Variants in DGCR8 observed in about 807,000 individuals in gnomAD.
The protein encoded by DGCR8 is DGCR8 microprocessor complex subunit.
DGCR8 carries 14 observed loss-of-function variants against 78.5 expected under a neutral mutation model. The ratio of observed to expected loss-of-function variants is 0.18; its 90% CI spans 0.12 to 0.28. The LOEUF is 0.28. DGCR8 is among the 10% of genes least tolerant of loss of function. The probability of loss-of-function intolerance (pLI) is 1.00; values close to 1 mark genes in which losing one functional copy is unlikely to be tolerated. For synonymous variants in DGCR8, 399 were observed against 402.4 expected (o/e 0.99, Z 0.10); for missense variants, 702 against 1,022.5 (o/e 0.69, Z 4.28).
intron 12 of DGCR8, chr22:20,107,670 T>G (rs1205548799): frequency 6.4e-6 from 3 of 467,334 alleles, no homozygotes. Context: ...ATGGCCAAAG[T>G]GCAAGGCAGG....
chr22:20,104,266 G>A (rs575232801), intron 9 of DGCR8, among the ~76,000 whole-genome samples: 3 of 151,512 alleles, frequency 2.0e-5, no homozygotes, highest in South Asian at 4.2e-4. Flanking sequence ...CCGGGTTCAC[G>A]CCATTCTCCT....
At position 20,087,021 on chromosome 22, in the gene DGCR8, A is replaced by G; in HGVS notation, c.721-141A>G. ...TAGCTTCATCCTGTTTGTTTTTCAG[A>G]TGATCATGCACCCTAAGGGCACATC... On this transcript the variant is annotated intron_variant, in intron 2 of 13. Coordinates refer to ENST00000351989, the MANE Select transcript of DGCR8 (RefSeq NM_022720.7). The surrounding 1 kb of genome is among the most constrained non-coding windows in gnomAD (Gnocchi z 4.1). 3 of 1,120,934 alleles carry G rather than the reference A, an allele frequency of 2.7e-6. No individual in the cohort carries two copies. Among genetic ancestry groups the G allele is most frequent in the Non-Finnish European group, 3.8e-6 (3 of 790,592 alleles). 69.4% of individuals were successfully genotyped at this position (1,120,934 alleles called of 1,614,324 possible).
In DGCR8 at chr22:20,080,550, G is replaced by A. The variant is rs1273591149; in HGVS notation, c.-278+167G>A. The A allele has an allele frequency of 9.6e-6, 9 of 934,286 alleles. No homozygotes were observed. In the East Asian group the frequency reaches 1.1e-3, roughly 110 times the overall value. 57.9% of individuals were successfully genotyped at this position (934,286 alleles called of 1,614,324 possible). On this transcript the variant is annotated intron_variant, in intron 1 of 13. Coordinates refer to ENST00000351989, the MANE Select transcript of DGCR8 (RefSeq NM_022720.7). ...AACATGGCCGCGGGCGGTGGAGAGC[G>A]CGGGGTGGGGACGCCTCCGGGGCTG...
chr22:20,086,638 T>A lies in DGCR8; in HGVS notation c.675T>A (p.Val225=). Residue 225 remains valine, a synonymous_variant, in exon 2 of 14, where the codon GTT becomes GTA. Coordinates refer to ENST00000351989, the MANE Select transcript of DGCR8 (RefSeq NM_022720.7). The surrounding 1 kb of genome is among the most constrained non-coding windows in gnomAD (Gnocchi z 6.4). ...GCGGGTTCACGGCTAAAGCAATCGTTCAGAGAGACAGAGTGGATGAAGAGG... is the reference window on the plus strand; with the variant it reads ...GCGGGTTCACGGCTAAAGCAATCGTACAGAGAGACAGAGTGGATGAAGAGG... The part of the protein sequence containing the change: ...GAGGFTAKAI[V]QRDRVDEEAL... The A allele has an allele frequency of 6.2e-7, 1 of 1,611,532 alleles. No individual in the cohort carries two copies. The highest frequency in any genetic ancestry group is 8.5e-7 in the Non-Finnish European group (1 of 1,179,858).
chr22:20,103,670 T>C (rs75728310), intron 9 of DGCR8, among the ~76,000 whole-genome samples: 6,312 of 152,266 alleles, frequency 0.041, 178 homozygotes, highest in South Asian at 0.095. Context: ...TCAAGCGAAG[T>C]GGGAAGTAGC....
intron 9 of DGCR8, among the ~76,000 whole-genome samples, 178 bp from the exon 10 acceptor site, chr22:20,105,999 C>T (rs8139374): frequency 0.13 from 19,986 of 152,044 alleles, 1,706 homozygotes; most frequent in Non-Finnish European, 0.19. Flanking sequence ...GGCAACTGGA[C>T]GGTGAGGTAC....
rs778016277 is a variant in DGCR8 at position 20,107,446 on chromosome 22, G to C, written c.2124+48G>C. The C allele has an allele frequency of 3.6e-5, 58 of 1,610,964 alleles. 2 individuals carry two copies. The South Asian group carries it at 6.3e-4, about 17-fold the overall frequency. ...CAGGGCAGCCTGTGCTGCCACCCTGGAGCGTATTCCTGAGGCTCTGTGCTC... is the reference window on the plus strand; with the variant it reads ...CAGGGCAGCCTGTGCTGCCACCCTGCAGCGTATTCCTGAGGCTCTGTGCTC... On this transcript the variant is annotated intron_variant, in intron 12 of 13. Coordinates refer to ENST00000351989, the MANE Select transcript of DGCR8 (RefSeq NM_022720.7).
intron 1 of DGCR8, among the ~76,000 whole-genome samples, chr22:20,081,091 C>T (rs182393340): frequency 3.3e-5 from 5 of 152,364 alleles, no homozygotes; most frequent in Admixed American, 3.3e-4. Context: ...CAGGCCTTCA[C>T]TCACAAAAGG....
intron 5 of DGCR8, 119 bp downstream of exon 5, chr22:20,090,377 C>T (rs2049541139): frequency 4.2e-6 from 5 of 1,204,450 alleles, no homozygotes; most frequent in Non-Finnish European, 4.6e-6. Context: ...GGGCTGTGCA[C>T]CTCCACTGTT....
intron 9 of DGCR8, among the ~76,000 whole-genome samples, chr22:20,105,911 G>T (rs1046161484): frequency 2.0e-5 from 3 of 151,926 alleles, no homozygotes; most frequent in Non-Finnish European, 2.9e-5. Context: ...AGCCAGCCAT[G>T]TACCTGGGGC....
At chr22:20,104,906 T>C (rs1490143789) in intron 9 of DGCR8, among the ~76,000 whole-genome samples, 1 of 152,208 alleles carries the variant, frequency 6.6e-6, no homozygotes. Context: ...TGGAGCGGGC[T>C]TGGCACACTG....
At chr22:20,109,085 C>A in intron 13 of DGCR8, 82 bp downstream of exon 13, 1 of 744,910 alleles carries the variant, frequency 1.3e-6, no homozygotes, top group East Asian at 2.6e-5. Flanking sequence ...CCCCAGGACC[C>A]GTGCCTGAGC....
intron 9 of DGCR8, among the ~76,000 whole-genome samples, chr22:20,103,661 C>T (rs957190603): frequency 6.6e-6 from 1 of 152,186 alleles, no homozygotes; most frequent in African/African-American, 2.4e-5. Flanking sequence ...GTAGTGTCAT[C>T]AAGCGAAGTG....
chr22:20,083,616 C>T (rs895845754), intron 1 of DGCR8, among the ~76,000 whole-genome samples: 10 of 152,098 alleles, frequency 6.6e-5, no homozygotes, highest in African/African-American at 2.4e-4. Context: ...TTCCCCATTC[C>T]GTCCCACTGT....
In DGCR8 at chr22:20,086,057, C is replaced by T. The variant is rs762505368; in HGVS notation, c.94C>T (p.Arg32Cys). 1.7e-5 allele frequency: 28 copies of T among 1,613,944 alleles called. No individual in the cohort carries two copies. The highest frequency in any genetic ancestry group is 1.3e-4 in the Admixed American group (8 of 60,016). The change falls in exon 2 of 14, where the codon CGT (arginine) becomes TGT (cysteine). Residue 32 changes from arginine to cysteine, a missense_variant. Physicochemically the swap from Arg to Cys is radical, Grantham distance 180 (BLOSUM62 -3). Transcript: ENST00000351989. This position sits in a 1 kb window ranked among gnomAD's most constrained non-coding sequence, Gnocchi z 6.4. ...SRARPFQALP[R>C]EQSPPPPLQT... is the part of the protein sequence containing the mutation. ...AGCTCGCCCCTTCCAAGCGCTGCCC[C>T]GTGAGCAGTCTCCACCACCTCCCCT...
intron 5 of DGCR8, 66 bp from the exon 6 acceptor site, chr22:20,091,369 G>A (rs1463812103): frequency 2.0e-6 from 3 of 1,536,448 alleles, no homozygotes; most frequent in Non-Finnish European, 2.7e-6. Flanking sequence ...CCATGCACTG[G>A]GCTGTGAGAA....
rs776972856 is a variant in DGCR8 at position 20,085,865 on chromosome 22, G to A, written c.-99G>A. 14 of 1,498,756 alleles carry A rather than the reference G, an allele frequency of 9.3e-6. No homozygotes were observed. Among genetic ancestry groups the A allele is most frequent in the African/African-American group, 1.4e-5 (1 of 71,594 alleles). 92.8% of individuals were successfully genotyped at this position (1,498,756 alleles called of 1,614,324 possible). On this transcript the variant is annotated 5_prime_UTR_variant, in exon 2 of 14. Transcript: ENST00000351989. The surrounding 1 kb of genome is among the most constrained non-coding windows in gnomAD (Gnocchi z 6.2). ...CCGCCAGCGCACAGCGCGGCAGGAC[G>A]CGCCCGGGTCTCAGCGGACTTGTGC...
chr22:20,084,830 TC>T (rs2049460231), intron 1 of DGCR8: 1 of 225,396 alleles, frequency 4.4e-6, no homozygotes, highest in South Asian at 1.6e-4. Flanking sequence ...TGGAGGACTG[TC>T]CCCGTGCCTT....
chr22:20,082,087 C>T (rs528810527), intron 1 of DGCR8, among the ~76,000 whole-genome samples: 4 of 148,322 alleles, frequency 2.7e-5, no homozygotes, highest in Non-Finnish European at 5.9e-5. Context: ...GACAGAATCT[C>T]GCTCTGTCGC....
Sources: allele counts gnomAD v4.1 joint callset (sites outside exome capture counted in the v4.1 genomes callset), GRCh38; gene constraint gnomAD v4.1.1; non-coding constraint Gnocchi (gnomAD v3.1); transcripts MANE v1.5; gene names NCBI Gene and HGNC (gene_info 2026-07-23, HGNC 2026-07-21).